Variants in CLVS2 observed in about 807,000 individuals in gnomAD.
The protein encoded by CLVS2 is clavesin-2.
Under a neutral mutation model 29.0 loss-of-function variants are expected in CLVS2, and 19 were observed. The ratio of observed to expected loss-of-function variants is 0.66; its 90% CI spans 0.46 to 0.96. The LOEUF is 0.96. Among genes scored for constraint, CLVS2 ranks in the 40% least tolerant of loss-of-function variants. The pLI is 0.00. For missense variants in CLVS2, 294 were observed against 404.1 expected (o/e 0.73, Z 2.34); for synonymous variants, 161 against 151.3 (o/e 1.06, Z -0.47).
rs1432700681 is a variant in CLVS2, at chr6:123,069,653, T to A, written c.*5892T>A. 6.6e-6 allele frequency: 1 copy of A among 151,694 alleles called. No homozygotes were observed. The allele number at this position is 151,694 out of a possible 1,614,324, so 9.4% of individuals were successfully genotyped here. On this transcript the variant is annotated 3_prime_UTR_variant, in exon 6 of 6. Coordinates refer to ENST00000275162, the MANE Select transcript of CLVS2 (RefSeq NM_001010852.4). ...ACATTTCCAGCAGTAGTATCCTCAG[T>A]GGGAATGAACCAGAAAACAAAGAAA... is the stretch of plus-strand genomic sequence containing the variant.
chr6:123,062,760 A>G lies in CLVS2; in HGVS notation c.897-914A>G, dbSNP rs558253031. 2.0e-5 allele frequency among the ~76,000 whole-genome samples: 3 copies of G among 152,336 alleles called. No homozygotes were observed. In the South Asian group the frequency reaches 6.2e-4, roughly 32 times the overall value. ...TTTTCAGAAGTTAATGAGGTCTGCT[A>G]AGAGGCATATTGCCACAGCAAAAGC... On this transcript the variant is annotated intron_variant, in intron 5 of 5. Transcript: ENST00000275162.
chr6:123,007,074 T>G (rs1474190653), intron 2 of CLVS2, among the ~76,000 whole-genome samples: 1 of 152,200 alleles, frequency 6.6e-6, no homozygotes. Flanking sequence ...TGTTAAAAAC[T>G]TTACATATAT....
intron 4 of CLVS2, among the ~76,000 whole-genome samples, chr6:123,055,319 AT>A (rs5879664): frequency 0.77 from 116,749 of 152,026 alleles, 44,879 homozygotes; most frequent in East Asian, 0.88. Flanking sequence ...CAATATTCTT[AT>A]TTTTATTGAT....
intron 3 of CLVS2, among the ~76,000 whole-genome samples, chr6:123,045,388 T>G (rs1230431500): frequency 6.6e-6 from 1 of 151,864 alleles, no homozygotes; most frequent in Non-Finnish European, 1.5e-5. Flanking sequence ...GTGGAAGTGA[T>G]TCAGAGTCAA....
At chr6:122,998,282 A>C (rs2060994180) in intron 2 of CLVS2, 116 bp downstream of exon 2, 7 of 1,271,828 alleles carry the variant, frequency 5.5e-6, no homozygotes, top group Middle Eastern at 2.0e-4. Flanking sequence ...GCTTGGAGAA[A>C]AGAGAAACAA....
chr6:123,058,676 G>C (rs1241759952), intron 5 of CLVS2, among the ~76,000 whole-genome samples: 1 of 151,832 alleles, frequency 6.6e-6, no homozygotes, highest in African/African-American at 2.4e-5. Context: ...TTTGAGGCAG[G>C]TTCTCTTTGT....
At chr6:123,004,294 C>T (rs903166035) in intron 2 of CLVS2, among the ~76,000 whole-genome samples, 1 of 152,142 alleles carries the variant, frequency 6.6e-6, no homozygotes, top group Admixed American at 6.5e-5. Flanking sequence ...TACCCGTCTT[C>T]TTCAGAGAAA....
intron 3 of CLVS2, among the ~76,000 whole-genome samples, chr6:123,015,084 T>C (rs1054682206): frequency 3.9e-5 from 6 of 151,972 alleles, no homozygotes; most frequent in African/African-American, 9.7e-5. Context: ...CAGAGCAACA[T>C]TGGGGAAGTA....
intron 3 of CLVS2, among the ~76,000 whole-genome samples, chr6:123,029,834 A>G (rs1775057828): frequency 2.0e-5 from 3 of 152,200 alleles, no homozygotes; most frequent in African/African-American, 7.2e-5. Flanking sequence ...CATATTTCTT[A>G]CAAATACTGC....
chr6:123,023,428 T>C (rs1173170868), intron 3 of CLVS2, among the ~76,000 whole-genome samples: 4 of 152,094 alleles, frequency 2.6e-5, no homozygotes, highest in African/African-American at 9.7e-5. Flanking sequence ...ACTGGAAGCT[T>C]CTGTGTTGGT....
In CLVS2 at chr6:123,065,620, T is replaced by A. The variant is rs998645457; in HGVS notation, c.*1859T>A. The A allele has an allele frequency of 2.0e-5, 3 of 151,920 alleles. No homozygotes were observed. Among genetic ancestry groups the A allele is most frequent in the Non-Finnish European group, 4.4e-5 (3 of 67,836 alleles). 9.4% of individuals were successfully genotyped at this position (151,920 alleles called of 1,614,324 possible). ...GGGGACAACATGTCTCAGCAGTTCT[T>A]ACCTTTATAAGAATTCTAACCATTG... is the stretch of plus-strand genomic sequence containing the variant. On this transcript the variant is annotated 3_prime_UTR_variant, in exon 6 of 6. Transcript: ENST00000275162.
chr6:123,056,069 GGAGAGGCATCCT>G, intron 5 of CLVS2, 43 bp downstream of exon 5: 5 of 1,352,584 alleles, frequency 3.7e-6, no homozygotes, highest in Non-Finnish European at 5.3e-6. Context: ...GCCAGGGCAG[GGAGAGGCATCCT>G]GAGTCAAACT....
At chr6:123,034,865 C>A (rs1267122644) in intron 3 of CLVS2, among the ~76,000 whole-genome samples, 2 of 151,884 alleles carry the variant, frequency 1.3e-5, no homozygotes, top group Non-Finnish European at 2.9e-5. Context: ...GTTTTTGCAA[C>A]TTCCTGTGAG....
chr6:123,017,086 GTA>G (rs750721761), intron 3 of CLVS2, among the ~76,000 whole-genome samples: 1,165 of 87,074 alleles, frequency 0.013, 8 homozygotes, highest in Non-Finnish European at 0.016. Context: ...TTGCATGTGT[GTA>G]TGTGTGTGTG....
rs1774510637 is a variant in CLVS2, at chr6:122,996,555, G to C, written c.-751G>C. The C allele has an allele frequency of 6.5e-6, 1 of 152,998 alleles. No individual in the cohort carries two copies. Among genetic ancestry groups the C allele is most frequent in the African/African-American group, 2.4e-5 (1 of 41,432 alleles). The allele number at this position is 152,998 out of a possible 1,614,324, so 9.5% of individuals were successfully genotyped here. On this transcript the variant is annotated 5_prime_UTR_variant, in exon 1 of 6. Coordinates refer to ENST00000275162, the MANE Select transcript of CLVS2 (RefSeq NM_001010852.4). ...CTAGGAGAGGCTGCGGGCTGCCCGC[G>C]GACGATGTGGCCGCGGCTGCTCCCG...
intron 5 of CLVS2, among the ~76,000 whole-genome samples, chr6:123,057,038 A>G (rs142411807): frequency 2.4e-3 from 371 of 152,276 alleles, no homozygotes; most frequent in Middle Eastern, 6.8e-3. Context: ...CCTGGCTCTG[A>G]GTTTGCATTC....
Position 123,056,022 on chromosome 6 carries a change from A to G in CLVS2, c.892A>G (p.Lys298Glu). The part of the protein sequence containing the change: ...VEKELSPKSM[K>E]RSQSVVDPTV... ...GAAGGAACTCTCCCCAAAGTCCATG[A>G]AGAGGTATGCTGGAGGTAGACTGGG... Residue 298 changes from lysine (K) to glutamate (E), a missense_variant, in exon 5 of 6, where the codon AAG becomes GAG. Physicochemically the swap from Lys to Glu is moderately conservative, Grantham distance 56. Transcript: ENST00000275162. 6.2e-7 allele frequency: 1 copy of G among 1,610,370 alleles called. No homozygotes were observed.
intron 3 of CLVS2, among the ~76,000 whole-genome samples, chr6:123,032,260 A>G (rs2114335307): frequency 6.6e-6 from 1 of 152,182 alleles, no homozygotes; most frequent in East Asian, 1.9e-4. Flanking sequence ...TGATATGATG[A>G]TGTTTTTCCT....
intron 3 of CLVS2, among the ~76,000 whole-genome samples, chr6:123,047,299 A>G (rs971127144): frequency 2.0e-5 from 3 of 152,066 alleles, no homozygotes; most frequent in African/African-American, 4.8e-5. Context: ...CTATGCCTGT[A>G]TTCAGATTCA....
Sources: allele counts gnomAD v4.1 joint callset (sites outside exome capture counted in the v4.1 genomes callset), GRCh38; gene constraint gnomAD v4.1.1; transcripts MANE v1.5; gene names NCBI Gene and HGNC (gene_info 2026-07-23, HGNC 2026-07-21).